Variants in NHERF2 observed in about 807,000 individuals in gnomAD.
The protein encoded by NHERF2 is Na(+)/H(+) exchange regulatory cofactor NHE-RF2.
At chr16:2,034,039 G>A in the NHERF2 span, among the ~76,000 whole-genome samples, 1 of 152,172 alleles carries the variant, frequency 6.6e-6, no homozygotes, top group African/African-American at 2.4e-5. Context: ...ACACTGAGGG[G>A]TCCTTGGCCT....
the NHERF2 span, chr16:2,029,887 C>T: frequency 2.1e-5 from 21 of 1,022,822 alleles, no homozygotes; most frequent in Non-Finnish European, 3.0e-5. Context: ...GTCTTGGTCT[C>T]TTCTGCCTTT....
At chr16:2,033,083 C>A in the NHERF2 span, 1 of 985,366 alleles carries the variant, frequency 1.0e-6, no homozygotes, top group Non-Finnish European at 1.2e-6. Flanking sequence ...GGTCCTGGGG[C>A]AGGGCAGGGC....
At chr16:2,037,554 C>T in the NHERF2 span, 55 of 1,611,842 alleles carry the variant, frequency 3.4e-5, no homozygotes, top group South Asian at 3.0e-4. Flanking sequence ...GGTGGCTCTG[C>T]GTGCTCGTCC....
the NHERF2 span, among the ~76,000 whole-genome samples, chr16:2,027,401 G>A: frequency 1.9e-4 from 29 of 152,328 alleles, no homozygotes; most frequent in African/African-American, 4.6e-4. Flanking sequence ...ACGGGGGTGG[G>A]GGGGGGCATC....
the NHERF2 span, chr16:2,036,333 G>C: frequency 6.2e-7 from 1 of 1,607,752 alleles, no homozygotes. Flanking sequence ...GGATGTCAGT[G>C]GGCCCCTGAG....
At chr16:2,029,443 C>A in the NHERF2 span, 1 of 755,266 alleles carries the variant, frequency 1.3e-6, no homozygotes, top group East Asian at 2.7e-5. Context: ...GCGGGGCCGG[C>A]AGGCCTCTTG....
the NHERF2 span, chr16:2,036,932 C>A: frequency 6.4e-7 from 1 of 1,572,552 alleles, no homozygotes; most frequent in Non-Finnish European, 8.6e-7. Context: ...GGCTGAGCAG[C>A]CACTGACACG....
the NHERF2 span, chr16:2,037,516 C>T: frequency 6.2e-7 from 1 of 1,602,204 alleles, no homozygotes; most frequent in East Asian, 2.3e-5. Flanking sequence ...TGTGAAACCA[C>T]AATCTGCCCT....
the NHERF2 span, chr16:2,035,279 C>T: frequency 2.2e-6 from 1 of 462,074 alleles, no homozygotes; most frequent in Non-Finnish European, 2.8e-6. Flanking sequence ...GTTTCTGGTC[C>T]ATTGGGGTTT....
At chr16:2,031,296 G>A in the NHERF2 span, among the ~76,000 whole-genome samples, 3 of 152,296 alleles carry the variant, frequency 2.0e-5, no homozygotes, top group East Asian at 5.8e-4. Flanking sequence ...GGGCTGGTGG[G>A]GGGGCTGGCC....
the NHERF2 span, among the ~76,000 whole-genome samples, chr16:2,027,621 C>T: frequency 6.6e-6 from 1 of 152,214 alleles, no homozygotes; most frequent in Non-Finnish European, 1.5e-5. Flanking sequence ...TTGGGGTCAG[C>T]CATGTGTGCA....
chr16:2,035,007 A>C, the NHERF2 span, among the ~76,000 whole-genome samples: 1 of 152,096 alleles, frequency 6.6e-6, no homozygotes, highest in East Asian at 1.9e-4. Flanking sequence ...AATTCAGCCC[A>C]TGTGGCCCAG....
At chr16:2,031,528 G>C in the NHERF2 span, among the ~76,000 whole-genome samples, 3 of 152,308 alleles carry the variant, frequency 2.0e-5, no homozygotes, top group African/African-American at 7.2e-5. Context: ...TGCCTTGGGT[G>C]GGACCTTCCC....
the NHERF2 span, chr16:2,033,239 G>A: frequency 2.6e-6 from 4 of 1,513,254 alleles, no homozygotes; most frequent in South Asian, 4.9e-5. Context: ...CCCATCCCCG[G>A]GGAGCCAGGG....
the NHERF2 span, chr16:2,037,518 A>G: frequency 4.0e-5 from 64 of 1,603,998 alleles, no homozygotes; most frequent in Non-Finnish European, 5.3e-5. Flanking sequence ...TGAAACCACA[A>G]TCTGCCCTTG....
the NHERF2 span, among the ~76,000 whole-genome samples, chr16:2,029,329 TAA>T: frequency 6.6e-6 from 1 of 150,858 alleles, no homozygotes; most frequent in Admixed American, 6.7e-5. Flanking sequence ...GACCCTGGGC[TAA>T]GGGCAAGGCT....
At chr16:2,037,664 T>A in the NHERF2 span, 2 of 1,580,212 alleles carry the variant, frequency 1.3e-6, no homozygotes, top group Non-Finnish European at 1.7e-6. Flanking sequence ...GGTAGGCGTC[T>A]GTGGAGATGT....
the NHERF2 span, chr16:2,038,253 C>G: frequency 1.4e-5 from 8 of 579,752 alleles, no homozygotes; most frequent in East Asian, 6.0e-5. Context: ...CAGAGAGAGA[C>G]AGAGAGAGAG....
the NHERF2 span, chr16:2,037,842 A>G: frequency 1.3e-6 from 2 of 1,593,470 alleles, no homozygotes; most frequent in Non-Finnish European, 1.7e-6. Flanking sequence ...AGTGCCTGGA[A>G]GCAAGATCCC....
Sources: gnomAD v4.1 joint callset for allele counts (sites outside exome capture counted in the v4.1 genomes callset) on GRCh38, gnomAD v4.1.1 for gene constraint, MANE v1.5 for transcripts, NCBI Gene and HGNC (gene_info 2026-07-23, HGNC 2026-07-21) for gene names.